The following MEIOB variants were observed in gnomAD, a reference collection of about 807,000 sequenced individuals.
MEIOB encodes the protein meiosis-specific with OB domain-containing protein.
A neutral mutation model predicts 53.1 loss-of-function variants in MEIOB; 50 were observed. The ratio of observed to expected loss-of-function variants is 0.94; its 90% CI spans 0.75 to 1.19. MEIOB has a LOEUF of 1.19. Among genes scored for constraint, MEIOB ranks in the 50% most tolerant of loss-of-function variants. MEIOB has a pLI of 0.00. For synonymous variants in MEIOB, 192 were observed against 182.5 expected, an observed-to-expected ratio of 1.05 and a Z score of -0.42; for missense variants, 551 against 550.8, an observed-to-expected ratio of 1.00 and a Z score of 0.00.
chr16:1,866,927 T>C (rs2150825256), intron 2 of MEIOB, among the ~76,000 whole-genome samples: 1 of 152,300 alleles, frequency 6.6e-6, no homozygotes, highest in East Asian at 1.9e-4. Context: ...CACATTGATA[T>C]TATTTCTTCA....
At chr16:1,856,915 C>T (rs1022189909) in intron 6 of MEIOB, among the ~76,000 whole-genome samples, 1 of 151,888 alleles carries the variant, frequency 6.6e-6, no homozygotes, top group African/African-American at 2.4e-5. Context: ...AGGTACACAC[C>T]ACCACATCCG....
At chr16:1,865,518 CATACACACGTGTGTGT>C (rs1899569327) in intron 3 of MEIOB, among the ~76,000 whole-genome samples, 1 of 50,006 alleles carries the variant, frequency 2.0e-5, no homozygotes. Context: ...CATGCACACA[CATACACACGTGTGTGT>C]ATACACATAA....
rs982000502 is a variant in MEIOB, at chr16:1,867,061, TAAC to T, written c.69+1043_69+1045del. On this transcript the variant is annotated intron_variant, in intron 2 of 13. Coordinates refer to ENST00000325962, the MANE Select transcript of MEIOB (RefSeq NM_001163560.3). ...ATAGTTTACCTTTCAAGAAAAACTA[TAAC>T]AACAATTGTTATTTTTTAATATTTT... Among the ~76,000 whole-genome samples the T allele has an allele frequency of 8.3e-4, 127 of 152,288 alleles. 1 individual carries two copies. Among genetic ancestry groups the T allele is most frequent in the Middle Eastern group, 3.4e-3 (1 of 294 alleles).
Position 1,834,032 on chromosome 16 carries a change from T to C in MEIOB, c.*224A>G, listed in dbSNP as rs1238249902. 9.9e-6 allele frequency: 4 copies of C among 406,072 alleles called. No individual in the cohort carries two copies. The highest frequency in any genetic ancestry group is 1.7e-5 in the Non-Finnish European group (4 of 229,116). The allele number at this position is 406,072 out of a possible 1,614,324, so 25.2% of individuals were successfully genotyped here. A position where few individuals can be genotyped will look rare whatever the true frequency, so the allele number is the denominator to read the frequency against. Reference sequence around the variant, plus strand: ...TAATTCATGTAAACATTTTCCAACTTGGGAGGAGACAAGGCAAAGACAGTA... The same window carrying C: ...TAATTCATGTAAACATTTTCCAACTCGGGAGGAGACAAGGCAAAGACAGTA... On this transcript the variant is annotated 3_prime_UTR_variant, in exon 14 of 14. Transcript: ENST00000325962.
intron 2 of MEIOB, among the ~76,000 whole-genome samples, chr16:1,867,558 C>T (rs1398594399): frequency 2.1e-5 from 3 of 140,846 alleles, no homozygotes; most frequent in Admixed American, 1.6e-4. Context: ...TCACTGAGAC[C>T]GCCTTCTGGC....
intron 9 of MEIOB, among the ~76,000 whole-genome samples, chr16:1,850,789 C>T (rs902393521): frequency 2.7e-5 from 4 of 150,040 alleles, no homozygotes; most frequent in African/African-American, 4.9e-5. Flanking sequence ...GGCATGGTGG[C>T]GGGCGCCTGT....
chr16:1,854,333 T>C (rs1365508672), intron 6 of MEIOB, 133 bp from the exon 7 acceptor site: 6 of 589,964 alleles, frequency 1.0e-5, no homozygotes, highest in Middle Eastern at 4.0e-4. Flanking sequence ...ACCAGTAATA[T>C]ATAGTTGATT....
intron 2 of MEIOB, among the ~76,000 whole-genome samples, chr16:1,867,347 G>A (rs1422173581): frequency 6.6e-6 from 1 of 151,490 alleles, no homozygotes; most frequent in Non-Finnish European, 1.5e-5. Context: ...CATCATCATT[G>A]TAGAAAACAC....
At chr16:1,842,251 T>A (rs1013592073) in intron 10 of MEIOB, among the ~76,000 whole-genome samples, 3 of 151,950 alleles carry the variant, frequency 2.0e-5, no homozygotes, top group Non-Finnish European at 4.4e-5. Flanking sequence ...TGGGAGATGC[T>A]AGCAGTCTAC....
Position 1,860,385 on chromosome 16 carries a change from T to C in MEIOB, c.332+18A>G, listed in dbSNP as rs376586449. On this transcript the variant is annotated intron_variant, in intron 5 of 13. Coordinates refer to ENST00000325962, the MANE Select transcript of MEIOB (RefSeq NM_001163560.3). ...AATGATCATTCTCGCACAATCTCTG[T>C]GCTAGACAGATGCTTACCTAGGAGT... 87 of 1,393,842 alleles carry C rather than the reference T, an allele frequency of 6.2e-5. No homozygotes were observed. The highest frequency in any genetic ancestry group is 5.3e-4 in the Middle Eastern group (3 of 5,678). The allele number at this position is 1,393,842 out of a possible 1,614,324, so 86.3% of individuals were successfully genotyped here. A position where few individuals can be genotyped will look rare whatever the true frequency, so the allele number is the denominator to read the frequency against.
In MEIOB at chr16:1,842,058, G is replaced by A. The variant is rs995495648; in HGVS notation, c.881-85C>T. The A allele has an allele frequency of 5.3e-6, 5 of 936,164 alleles. No homozygotes were observed. In the African/African-American group the frequency reaches 8.6e-5, roughly 16 times the overall value. 58.0% of individuals were successfully genotyped at this position (936,164 alleles called of 1,614,324 possible). A position where few individuals can be genotyped will look rare whatever the true frequency, so the allele number is the denominator to read the frequency against. ...ATCCGAATGGAAAGCTATGACAAAT[G>A]AGAACATGCAGTAGCTTAAGTAACA... On this transcript the variant is annotated intron_variant, in intron 10 of 13. Transcript: ENST00000325962.
At chr16:1,853,670 G>A (rs1899226330) in intron 7 of MEIOB, among the ~76,000 whole-genome samples, 2 of 152,120 alleles carry the variant, frequency 1.3e-5, no homozygotes, top group African/African-American at 4.8e-5. Flanking sequence ...CAGTTCCTTT[G>A]GTACCCAGGC....
chr16:1,836,489 C>T (rs1347920173), intron 13 of MEIOB, among the ~76,000 whole-genome samples: 1 of 152,008 alleles, frequency 6.6e-6, no homozygotes, highest in African/African-American at 2.4e-5. Flanking sequence ...CCCTGACTTG[C>T]AAAGAGACAG....
chr16:1,844,959 T>A lies in MEIOB; in HGVS notation c.783A>T (p.Ile261=), dbSNP rs1898995471. 11 of 1,456,894 alleles carry A rather than the reference T, an allele frequency of 7.6e-6. No individual in the cohort carries two copies. Among genetic ancestry groups the A allele is most frequent in the Non-Finnish European group, 9.5e-6 (10 of 1,049,952 alleles). The allele number at this position is 1,456,894 out of a possible 1,614,324, so 90.2% of individuals were successfully genotyped here. The part of the protein sequence containing the change: ...SKTIITTNPD[I]PEANILLNFI... ...AATTCAGCAGAATGTTAGCTTCTGGTATATCTTAAATTGAAAATGCATAAT... is the reference window on the plus strand; with the variant it reads ...AATTCAGCAGAATGTTAGCTTCTGGAATATCTTAAATTGAAAATGCATAAT... The change falls in exon 10 of 14, where the codon ATA becomes ATT. Residue 261 remains isoleucine (I), a synonymous_variant. Transcript: ENST00000325962.
chr16:1,848,543 C>CTTTTT (rs1491207918), intron 9 of MEIOB, among the ~76,000 whole-genome samples: 3 of 135,332 alleles, frequency 2.2e-5, no homozygotes, highest in South Asian at 2.3e-4. Flanking sequence ...TTTTTTTTTT[C>CTTTTT]CTTTTTTTTT....
chr16:1,842,596 C>A (rs746613597), intron 10 of MEIOB, among the ~76,000 whole-genome samples: 1 of 99,898 alleles, frequency 1.0e-5, no homozygotes, highest in African/African-American at 3.9e-5. Context: ...GCACTCCAGT[C>A]TGGGCAACAA....
chr16:1,845,146 C>A (rs1270375399), intron 9 of MEIOB, among the ~76,000 whole-genome samples, 183 bp from the exon 10 acceptor site: 1 of 152,170 alleles, frequency 6.6e-6, no homozygotes, highest in Non-Finnish European at 1.5e-5. Context: ...ATGTACACCA[C>A]ATTACATCTA....
Position 1,841,800 on chromosome 16 carries a change from A to G in MEIOB, c.1034+20T>C, listed in dbSNP as rs1226133689. ...ATTTCTTACAAAAATGAATTTGCTA[A>G]AAGTGACACGGATCCTTACCATCTA... is the stretch of plus-strand genomic sequence containing the variant. On this transcript the variant is annotated intron_variant, in intron 11 of 13. Transcript: ENST00000325962. 23 of 1,479,274 alleles carry G rather than the reference A, an allele frequency of 1.6e-5. No individual in the cohort carries two copies. In the South Asian group the frequency reaches 1.6e-4, roughly 10 times the overall value. 91.6% of individuals were successfully genotyped at this position (1,479,274 alleles called of 1,614,324 possible).
intron 11 of MEIOB, among the ~76,000 whole-genome samples, chr16:1,840,709 C>G (rs577518813): frequency 1.3e-5 from 2 of 152,130 alleles, no homozygotes; most frequent in South Asian, 4.2e-4. Flanking sequence ...CCACCATGCC[C>G]GGCTAATTTT....
Sources: gnomAD v4.1 joint callset for allele counts (sites outside exome capture counted in the v4.1 genomes callset) on GRCh38, gnomAD v4.1.1 for gene constraint, MANE v1.5 for transcripts, NCBI Gene and HGNC (gene_info 2026-07-23, HGNC 2026-07-21) for gene names.